The following RCC2 variants were observed in gnomAD, a reference collection of about 807,000 sequenced individuals.
RCC2 encodes the protein regulator of chromosome condensation 2.
In RCC2, 19 loss-of-function variants were observed where a neutral mutation model predicts 64.1. The ratio of observed to expected loss-of-function variants is 0.30; its 90% CI spans 0.21 to 0.44. RCC2 has a LOEUF of 0.44. RCC2 is among the 20% of genes least tolerant of loss of function. RCC2 has a pLI of 1.00. For missense variants in RCC2, 508 were observed against 710.4 expected (o/e 0.72, Z 3.24); for synonymous variants, 325 against 279.6 (o/e 1.16, Z -1.62).
chr1:17,406,868 C>T lies in RCC2; in HGVS notation c.*2222G>A, dbSNP rs2100343037. 6.6e-6 allele frequency: 1 copy of T among 152,276 alleles called. No individual in the cohort carries two copies. The allele number at this position is 152,276 out of a possible 1,614,324, so 9.4% of individuals were successfully genotyped here. On this transcript the variant is annotated 3_prime_UTR_variant, in exon 13 of 13. Coordinates refer to ENST00000375436, the MANE Select transcript of RCC2 (RefSeq NM_018715.4). Reference sequence around the variant, plus strand: ...CTAAACCAGGCACCTTCGACCAAATCACAACCTCCTCTTTGATTCCCCTTC... The same window carrying T: ...CTAAACCAGGCACCTTCGACCAAATTACAACCTCCTCTTTGATTCCCCTTC...
chr1:17,413,253 T>C, intron 9 of RCC2, 75 bp from the exon 10 acceptor site: 1 of 1,116,298 alleles, frequency 9.0e-7, no homozygotes, highest in East Asian at 2.5e-5. Context: ...ATTATCAGGG[T>C]GAAAAGAGGA....
chr1:17,429,929 G>A (rs931158242), intron 2 of RCC2, among the ~76,000 whole-genome samples: 5 of 152,148 alleles, frequency 3.3e-5, no homozygotes, highest in Admixed American at 6.5e-5. Context: ...TCAACACAAA[G>A]TCATCAGGGC....
chr1:17,431,349 A>AT (rs1202055032), intron 2 of RCC2, among the ~76,000 whole-genome samples: 3 of 51,904 alleles, frequency 5.8e-5, no homozygotes, highest in African/African-American at 1.5e-4. Context: ...AAAAAAAAAA[A>AT]AAAAAAAAAA....
chr1:17,436,084 A>C (rs1014159892), intron 2 of RCC2, among the ~76,000 whole-genome samples: 1 of 152,184 alleles, frequency 6.6e-6, no homozygotes, highest in South Asian at 2.1e-4. Context: ...TTTTAAGTGG[A>C]TAGAGAAAGG....
At chr1:17,411,054 C>G (rs2075419227) in intron 11 of RCC2, among the ~76,000 whole-genome samples, 1 of 152,112 alleles carries the variant, frequency 6.6e-6, no homozygotes. Context: ...TCCATCCCAG[C>G]CACAGCTCAA....
At chr1:17,419,753 G>C (rs946314082) in intron 7 of RCC2, among the ~76,000 whole-genome samples, 2 of 152,196 alleles carry the variant, frequency 1.3e-5, no homozygotes, top group African/African-American at 4.8e-5. Flanking sequence ...GGCAGCAGGA[G>C]CGCGCACGTG....
Position 17,438,399 on chromosome 1 carries a change from G to A in RCC2, c.116C>T (p.Pro39Leu). The A allele has an allele frequency of 2.4e-6, 3 of 1,263,268 alleles. No homozygotes were observed. In the South Asian group the frequency reaches 8.9e-5, roughly 37 times the overall value. 78.3% of individuals were successfully genotyped at this position (1,263,268 alleles called of 1,614,324 possible). A position where few individuals can be genotyped will look rare whatever the true frequency, so the allele number is the denominator to read the frequency against. Residue 39 changes from proline (P) to leucine (L), a missense_variant, in exon 2 of 13, where the codon CCC becomes CTC. Physicochemically the swap from Pro to Leu is moderately conservative, Grantham distance 98. Around this residue, in one of 4 missense-constraint regions of RCC2, gnomAD observed 195 missense variants for 158.3 expected, o/e 1.23. Transcript: ENST00000375436. Reference sequence around the variant, plus strand: ...GCCGCTGCTGCTACTGCAGCGCTCGGGCCGCTCGCGCTTCCTGCCCGCCGG... The same window carrying A: ...GCCGCTGCTGCTACTGCAGCGCTCGAGCCGCTCGCGCTTCCTGCCCGCCGG... ...GGPAGRKRER[P>L]ERCSSSSGGG...
In RCC2 at chr1:17,416,552, C is replaced by T; in HGVS notation, c.954G>A (p.Lys318=). 1 of 1,614,052 alleles carries T rather than the reference C, an allele frequency of 6.2e-7. No individual in the cohort carries two copies. The highest frequency in any genetic ancestry group is 1.7e-5 in the Admixed American group (1 of 60,030). ...CAGGCAGAATCTGTCCATCTTTCGT[C>T]TTCTCAATGAAGATGGCCACTCGCC... ...VPRRVAIFIE[K]TKDGQILPVP... The change falls in exon 8 of 13, where the codon AAG becomes AAA. Residue 318 remains lysine, a synonymous_variant. Transcript: ENST00000375436.
At chr1:17,419,223 G>A (rs536616796) in intron 7 of RCC2, among the ~76,000 whole-genome samples, 49 of 152,294 alleles carry the variant, frequency 3.2e-4, no homozygotes, top group African/African-American at 1.2e-3. Context: ...GCTGGGTGTG[G>A]CAGCGGGCGC....
chr1:17,428,584 C>A (rs2075643672), intron 3 of RCC2, among the ~76,000 whole-genome samples: 1 of 152,230 alleles, frequency 6.6e-6, no homozygotes, highest in Admixed American at 6.5e-5. Context: ...CCTTAAGACA[C>A]CAGTTTTCCA....
At chr1:17,411,635 T>C (rs954566023) in intron 11 of RCC2, among the ~76,000 whole-genome samples, 1 of 150,156 alleles carries the variant, frequency 6.7e-6, no homozygotes, top group African/African-American at 2.5e-5. Context: ...ATGAAAGACA[T>C]TTGTTTGCGG....
At position 17,414,557 on chromosome 1, in the gene RCC2, A is replaced by C. The variant is rs546574800; in HGVS notation, c.1027-840T>G. Among the ~76,000 whole-genome samples, 46 of 150,950 alleles carry C rather than the reference A, an allele frequency of 3.0e-4. 1 individual carries two copies. The highest frequency in any genetic ancestry group is 8.1e-4 in the African/African-American group (33 of 40,936). On this transcript the variant is annotated intron_variant, in intron 8 of 12. Transcript: ENST00000375436. ...AAAAAAAAAACAAAACGAAACAAAA[A>C]AAAAAACACAACAAAAAAAAAACAG...
At chr1:17,425,478 C>A (rs779083439) in intron 4 of RCC2, 63 bp downstream of exon 4, 3 of 1,467,600 alleles carry the variant, frequency 2.0e-6, no homozygotes, top group Admixed American at 4.5e-5. Flanking sequence ...AACAGAAGAA[C>A]GTGCTGTGTG....
chr1:17,423,334 T>C (rs1407011678), intron 4 of RCC2, among the ~76,000 whole-genome samples: 2 of 152,228 alleles, frequency 1.3e-5, no homozygotes, highest in South Asian at 2.1e-4. Flanking sequence ...TCTTCCTTTT[T>C]CTACCCTGTA....
intron 3 of RCC2, among the ~76,000 whole-genome samples, chr1:17,426,204 C>T (rs555632683): frequency 6.6e-5 from 10 of 152,222 alleles, no homozygotes; most frequent in Non-Finnish European, 1.3e-4. Flanking sequence ...CATCTCCGGC[C>T]TTCACCCTGG....
chr1:17,434,526 G>T lies in RCC2; in HGVS notation c.285+3704C>A, dbSNP rs1186866192. Among the ~76,000 whole-genome samples, 2 of 152,100 alleles carry T rather than the reference G, an allele frequency of 1.3e-5. 1 individual carries two copies. The highest frequency in any genetic ancestry group is 4.8e-5 in the African/African-American group (2 of 41,426). On this transcript the variant is annotated intron_variant, in intron 2 of 12. Coordinates refer to ENST00000375436, the MANE Select transcript of RCC2 (RefSeq NM_018715.4). ...TTGTAATATCCTTTATAATAAACTG[G>T]TGTTTCCCTGAGTTCTGTGAGCCAT...
chr1:17,413,869 A>G (rs1413357832), intron 8 of RCC2, 152 bp from the exon 9 acceptor site: 6 of 728,858 alleles, frequency 8.2e-6, no homozygotes, highest in Non-Finnish European at 1.4e-5. Context: ...ACGGTGGTTC[A>G]CATCTAATCC....
chr1:17,420,769 TATC>T lies in RCC2; in HGVS notation c.801_803del (p.Met267del). ...AATAGAGGTTTCCTTTGCAGTCCAT[TATC>T]ATACTGAATTCAGCCCCACAGGCCA... On this transcript the variant is annotated inframe_deletion, in exon 7 of 13. Coordinates refer to ENST00000375436, the MANE Select transcript of RCC2 (RefSeq NM_018715.4). 1 of 1,613,006 alleles carries T rather than the reference TATC, an allele frequency of 6.2e-7. No individual in the cohort carries two copies. Among genetic ancestry groups the T allele is most frequent in the Admixed American group, 1.7e-5 (1 of 59,676 alleles).
chr1:17,428,468 G>C (rs1258006793), intron 3 of RCC2, among the ~76,000 whole-genome samples: 1 of 152,214 alleles, frequency 6.6e-6, no homozygotes, highest in Non-Finnish European at 1.5e-5. Context: ...TTTGTTCATG[G>C]GGCAAAGCAA....
Sources: allele counts gnomAD v4.1 joint callset (sites outside exome capture counted in the v4.1 genomes callset), GRCh38; gene constraint gnomAD v4.1.1; regional missense constraint gnomAD v4.1.1; transcripts MANE v1.5; gene names NCBI Gene and HGNC (gene_info 2026-07-23, HGNC 2026-07-21).